HOPX: variants seen among roughly 807,000 people sequenced by gnomAD.
The protein encoded by HOPX is homeodomain-only protein.
In HOPX, 5 loss-of-function variants were observed where a neutral mutation model predicts 11.8. The ratio of observed to expected loss-of-function variants is 0.43; its 90% CI spans 0.22 to 0.89. The LOEUF (loss-of-function observed/expected upper bound fraction) is 0.89, where lower values mean the gene tolerates loss of function less well. HOPX is among the 40% of genes least tolerant of loss of function. The pLI is 0.28. For missense variants in HOPX, 119 were observed against 120.0 expected (o/e 0.99, Z 0.04); for synonymous variants, 49 against 49.7 (o/e 0.99, Z 0.06).
At chr4:56,673,074 G>C (rs1297269447) in intron 1 of HOPX, among the ~76,000 whole-genome samples, 13 of 152,100 alleles carry the variant, frequency 8.5e-5, no homozygotes, top group Non-Finnish European at 1.9e-4. Flanking sequence ...CCATGAACCA[G>C]ATCTAAAGGG....
chr4:56,648,835 C>A, intron 3 of HOPX, 38 bp from the exon 4 acceptor site: 1 of 1,511,596 alleles, frequency 6.6e-7, no homozygotes, highest in Non-Finnish European at 9.2e-7. Context: ...TTGTCACATA[C>A]AGAAAAACTG....
chr4:56,650,834 A>G (rs989831185), intron 3 of HOPX: 26 of 1,524,220 alleles, frequency 1.7e-5, no homozygotes, highest in Non-Finnish European at 2.1e-5. Context: ...GAGAGAACTC[A>G]TGTAACTTTG....
chr4:56,658,716 AGTC>A (rs1318324769), intron 1 of HOPX, among the ~76,000 whole-genome samples: 3 of 152,234 alleles, frequency 2.0e-5, no homozygotes, highest in Admixed American at 6.5e-5. Flanking sequence ...CTCTGAAGAT[AGTC>A]TAAACAATTT....
intron 1 of HOPX, among the ~76,000 whole-genome samples, chr4:56,668,156 C>T (rs1718538635): frequency 6.6e-6 from 1 of 152,162 alleles, no homozygotes; most frequent in Non-Finnish European, 1.5e-5. Context: ...AACTCCTGAC[C>T]TCAGGTGATC....
At chr4:56,650,998 G>A in intron 3 of HOPX, 2 of 499,638 alleles carry the variant, frequency 4.0e-6, no homozygotes, top group South Asian at 3.3e-5. Flanking sequence ...AAGGATGCAA[G>A]GTCTGATTAA....
At chr4:56,656,479 G>T in intron 2 of HOPX, 4 of 943,462 alleles carry the variant, frequency 4.2e-6, no homozygotes, top group Non-Finnish European at 4.9e-6. Context: ...CCGAGTCCGC[G>T]ACTAGCCGGC....
chr4:56,650,619 A>AC, intron 3 of HOPX: 2 of 1,521,912 alleles, frequency 1.3e-6, no homozygotes, highest in Non-Finnish European at 1.8e-6. Flanking sequence ...CCTACACCTC[A>AC]CCCACCTGTA....
At chr4:56,658,422 T>C (rs1438123395) in intron 1 of HOPX, among the ~76,000 whole-genome samples, 1 of 152,208 alleles carries the variant, frequency 6.6e-6, no homozygotes, top group Non-Finnish European at 1.5e-5. Context: ...TTGGCTTTGG[T>C]TGGCTGCTGA....
rs754722353 is a variant in HOPX at position 56,648,674 on chromosome 4, C to A, written c.*46G>T. 2.9e-6 allele frequency: 4 copies of A among 1,397,718 alleles called. No homozygotes were observed. Among genetic ancestry groups the A allele is most frequent in the Non-Finnish European group, 4.0e-6 (4 of 996,412 alleles). The allele number at this position is 1,397,718 out of a possible 1,614,324, so 86.6% of individuals were successfully genotyped here. On this transcript the variant is annotated 3_prime_UTR_variant, in exon 4 of 4. Coordinates refer to ENST00000420433, the MANE Select transcript of HOPX (RefSeq NM_032495.6). ...AGCTTGGTTAAGCGGAGGAGAGAAA[C>A]AGAGATGGCCTTCATGGAGTGAAGC...
In HOPX at chr4:56,650,646, C is replaced by T. The variant is rs1448075884; in HGVS notation, c.199-1849G>A. 1.9e-6 allele frequency: 3 copies of T among 1,550,302 alleles called. No homozygotes were observed. The African/African-American group carries it at 4.1e-5, about 21-fold the overall frequency. ...CCACCTGTACAGCAGAGTTTACACA[C>T]TGAAATCCTTTACACAGTTGTCAAG... On this transcript the variant is annotated intron_variant, in intron 3 of 3. Transcript: ENST00000420433.
chr4:56,669,681 TAATAATAATAATAA>T, intron 1 of HOPX, among the ~76,000 whole-genome samples: 1 of 149,826 alleles, frequency 6.7e-6, no homozygotes, highest in Non-Finnish European at 1.5e-5. Flanking sequence ...ATAATAATAA[TAATAATAATAATAA>T]TAATAATAAC....
chr4:56,650,524 G>A (rs1471460521), intron 3 of HOPX: 2 of 675,546 alleles, frequency 3.0e-6, no homozygotes, highest in South Asian at 3.9e-5. Flanking sequence ...AGGAGAGGCT[G>A]TTGAGCTTGA....
rs1560364240 is a variant in HOPX, at chr4:56,655,951, AG to A, written c.103del (p.Leu35TrpfsTer69). The A allele has an allele frequency of 5.6e-6, 9 of 1,611,366 alleles. No individual in the cohort carries two copies. The highest frequency in any genetic ancestry group is 7.6e-6 in the Non-Finnish European group (9 of 1,178,862). On this transcript the variant is annotated frameshift_variant, in exon 3 of 4. Transcript: ENST00000420433. LOFTEE classifies it high-confidence loss of function. ...GTCGACCTTGTTGAAGTTGTACTCCAGGATTTCCACCTGGTCCTCTGTGGGG... is the reference window on the plus strand; with the variant it reads ...GTCGACCTTGTTGAAGTTGTACTCCAGATTTCCACCTGGTCCTCTGTGGGG... ...SGPTEDQVEI[L>X]EYNFNKVDKH...
chr4:56,665,150 T>A (rs1415096615), intron 1 of HOPX: 1 of 152,274 alleles, frequency 6.6e-6, no homozygotes, highest in African/African-American at 2.4e-5. Flanking sequence ...AGAGATGGGA[T>A]CTCGCTATGT....
chr4:56,681,559 C>T, upstream of HOPX: 1 of 1,000,138 alleles, frequency 1.0e-6, no homozygotes, highest in East Asian at 1.1e-4. Context: ...CCTAGCCAAG[C>T]AAGCTTCTTC....
chr4:56,679,465 ATCT>A (rs1719205347), intron 1 of HOPX: 1 of 149,548 alleles, frequency 6.7e-6, no homozygotes, highest in Admixed American at 6.7e-5. Flanking sequence ...GTAACCATGG[ATCT>A]TCTTTCTTTC....
intron 1 of HOPX, among the ~76,000 whole-genome samples, chr4:56,658,842 G>A (rs992518418): frequency 6.6e-6 from 1 of 152,180 alleles, no homozygotes; most frequent in Admixed American, 6.5e-5. Context: ...AATTTGTCCT[G>A]TGGTTATATT....
intron 3 of HOPX, chr4:56,649,815 G>C (rs1716987265): frequency 6.6e-6 from 1 of 152,354 alleles, no homozygotes; most frequent in Non-Finnish European, 1.5e-5. Context: ...GGAGAACCAT[G>C]CTGGGGATAG....
chr4:56,656,024 G>C lies in HOPX; in HGVS notation c.43-12C>G, dbSNP rs1485163210. ...ATGGTCCCTGCGCGCTGCGGGGCAG[G>C]GAGAAGCGGCGGCGGTGAGCGAGGC... is the stretch of plus-strand genomic sequence containing the variant. On this transcript the variant is annotated splice_polypyrimidine_tract_variant and intron_variant, in intron 2 of 3. Transcript: ENST00000420433. The C allele has an allele frequency of 1.3e-6, 2 of 1,564,342 alleles. No homozygotes were observed.
Sources: gnomAD v4.1 joint callset for allele counts (sites outside exome capture counted in the v4.1 genomes callset) on GRCh38, gnomAD v4.1.1 for gene constraint, MANE v1.5 for transcripts, NCBI Gene and HGNC (gene_info 2026-07-23, HGNC 2026-07-21) for gene names.